RALGAPA2: variants seen among roughly 807,000 people sequenced by gnomAD.
RALGAPA2 encodes Ral GTPase activating protein catalytic subunit alpha 2, also known as ral GTPase-activating protein subunit alpha-2.
In RALGAPA2, 139 loss-of-function variants were observed where a neutral mutation model predicts 230.4. The observed-to-expected ratio is 0.60, with a 90% CI of 0.53 to 0.69. RALGAPA2 has a LOEUF of 0.69. Among genes scored for constraint, RALGAPA2 ranks in the 30% least tolerant of loss-of-function variants. The pLI is 0.00. For synonymous variants in RALGAPA2, 847 were observed against 837.8 expected, an observed-to-expected ratio of 1.01 and a Z score of -0.19; for missense variants, 2,163 against 2,276.0, an observed-to-expected ratio of 0.95 and a Z score of 1.01.
chr20:20,685,702 G>A (rs1221770123), intron 1 of RALGAPA2, among the ~76,000 whole-genome samples: 1 of 152,196 alleles, frequency 6.6e-6, no homozygotes, highest in African/African-American at 2.4e-5. Context: ...AAGAGCAGGA[G>A]GAAAAGCCCA....
At chr20:20,546,873 A>T (rs1293245577) in intron 23 of RALGAPA2, 41 bp from the exon 24 acceptor site, 1 of 1,532,630 alleles carries the variant, frequency 6.5e-7, no homozygotes, top group Non-Finnish European at 8.7e-7. Flanking sequence ...GTAATGTTCA[A>T]ACACAAAATT....
At chr20:20,459,901 G>A (rs552062719) in intron 37 of RALGAPA2, among the ~76,000 whole-genome samples, 1 of 152,276 alleles carries the variant, frequency 6.6e-6, no homozygotes, top group South Asian at 2.1e-4. Context: ...TTGTGTTGCA[G>A]TGACTCAACA....
At position 20,526,196 on chromosome 20, in the gene RALGAPA2, C is replaced by A. The variant is rs567496691; in HGVS notation, c.3693+56G>T. Reference sequence around the variant, plus strand: ...TGAATATCTATAATTAATTAAATATCAAATACAGTAAAAAGGAAATGCTTA... The same window carrying A: ...TGAATATCTATAATTAATTAAATATAAAATACAGTAAAAAGGAAATGCTTA... On this transcript the variant is annotated intron_variant, in intron 28 of 39. Coordinates refer to ENST00000202677, the MANE Select transcript of RALGAPA2 (RefSeq NM_020343.4). 88 of 1,239,142 alleles carry A rather than the reference C, an allele frequency of 7.1e-5. No individual in the cohort carries two copies. The East Asian group carries it at 2.2e-3, about 31-fold the overall frequency. 76.8% of individuals were successfully genotyped at this position (1,239,142 alleles called of 1,614,324 possible). A position where few individuals can be genotyped will look rare whatever the true frequency, so the allele number is the denominator to read the frequency against.
chr20:20,396,796 G>T, intron 38 of RALGAPA2, 62 bp from the exon 39 acceptor site: 1 of 1,342,266 alleles, frequency 7.5e-7, no homozygotes, highest in Non-Finnish European at 1.1e-6. Context: ...GCTCCAACTT[G>T]ATAACTAACA....
intron 35 of RALGAPA2, among the ~76,000 whole-genome samples, chr20:20,502,371 T>C (rs1297399787): frequency 6.6e-6 from 1 of 152,140 alleles, no homozygotes; most frequent in Non-Finnish European, 1.5e-5. Context: ...AAGAATCAAT[T>C]AGACCAATGG....
intron 13 of RALGAPA2, among the ~76,000 whole-genome samples, chr20:20,612,299 C>T (rs1401419680): frequency 1.3e-5 from 2 of 152,148 alleles, no homozygotes; most frequent in African/African-American, 2.4e-5. Context: ...ATTTGTTCCT[C>T]GAGGGAAATC....
chr20:20,441,859 TG>T (rs2060748701), intron 37 of RALGAPA2, among the ~76,000 whole-genome samples: 1 of 152,176 alleles, frequency 6.6e-6, no homozygotes, highest in Non-Finnish European at 1.5e-5. Flanking sequence ...GAAATTATCC[TG>T]AAGTATACAT....
intron 38 of RALGAPA2, among the ~76,000 whole-genome samples, chr20:20,402,931 G>A (rs1457174885): frequency 6.6e-6 from 1 of 152,174 alleles, no homozygotes; most frequent in African/African-American, 2.4e-5. Flanking sequence ...GGCTCACTCA[G>A]CTCTAAGGAG....
At chr20:20,615,945 C>T in intron 13 of RALGAPA2, 98 bp downstream of exon 13, 6 of 1,001,584 alleles carry the variant, frequency 6.0e-6, no homozygotes, top group South Asian at 6.1e-5. Context: ...TTGTTAAGTT[C>T]GTAAAAACAT....
chr20:20,537,054 T>C (rs1456593255), intron 24 of RALGAPA2, among the ~76,000 whole-genome samples: 2 of 152,202 alleles, frequency 1.3e-5, no homozygotes, highest in African/African-American at 4.8e-5. Context: ...AATGACTCTG[T>C]CATGACTGTT....
At chr20:20,562,854 A>C (rs565491052) in intron 23 of RALGAPA2, among the ~76,000 whole-genome samples, 7 of 152,338 alleles carry the variant, frequency 4.6e-5, no homozygotes, top group Non-Finnish European at 8.8e-5. Context: ...AAAAAGAAAA[A>C]ATATCTCGCA....
At chr20:20,552,424 A>T (rs1357446537) in intron 23 of RALGAPA2, among the ~76,000 whole-genome samples, 1 of 152,202 alleles carries the variant, frequency 6.6e-6, no homozygotes, top group African/African-American at 2.4e-5. Context: ...AGAAAACTAA[A>T]CACTACACAG....
intron 10 of RALGAPA2, among the ~76,000 whole-genome samples, chr20:20,624,785 G>T (rs1042435155): frequency 3.9e-5 from 6 of 152,138 alleles, no homozygotes; most frequent in African/African-American, 1.4e-4. Flanking sequence ...TTATGGTAAA[G>T]AAATATTCAT....
At chr20:20,457,085 G>C (rs912547703) in intron 37 of RALGAPA2, among the ~76,000 whole-genome samples, 4 of 152,166 alleles carry the variant, frequency 2.6e-5, no homozygotes, top group African/African-American at 9.7e-5. Context: ...ACTCAATTAA[G>C]CTTTACTGAA....
At chr20:20,553,334 T>G (rs913588405) in intron 23 of RALGAPA2, among the ~76,000 whole-genome samples, 1 of 152,086 alleles carries the variant, frequency 6.6e-6, no homozygotes, top group Non-Finnish European at 1.5e-5. Flanking sequence ...GGAGGATCAC[T>G]TGAGCCCAGG....
intron 14 of RALGAPA2, 38 bp downstream of exon 14, chr20:20,611,277 T>A: frequency 6.4e-7 from 1 of 1,562,432 alleles, no homozygotes; most frequent in African/African-American, 1.4e-5. Context: ...ATCTGATTCA[T>A]TTCTTGCATT....
At chr20:20,429,242 C>T (rs1448019981) in intron 37 of RALGAPA2, among the ~76,000 whole-genome samples, 1 of 152,230 alleles carries the variant, frequency 6.6e-6, no homozygotes, top group Non-Finnish European at 1.5e-5. Flanking sequence ...GTTACACATG[C>T]TGGCCTCTTC....
chr20:20,642,342 C>G (rs758044390), intron 5 of RALGAPA2, among the ~76,000 whole-genome samples: 56 of 152,050 alleles, frequency 3.7e-4, no homozygotes, highest in Non-Finnish European at 5.4e-4. Context: ...TCCCGAGTAG[C>G]TGAGACTATA....
At chr20:20,634,768 A>G (rs1227624119) in intron 9 of RALGAPA2, among the ~76,000 whole-genome samples, 4 of 152,196 alleles carry the variant, frequency 2.6e-5, no homozygotes. Flanking sequence ...GACCTCCACA[A>G]ATGGTAGTGC....
Sources: gnomAD v4.1 joint callset for allele counts (sites outside exome capture counted in the v4.1 genomes callset) on GRCh38, gnomAD v4.1.1 for gene constraint, MANE v1.5 for transcripts, NCBI Gene and HGNC (gene_info 2026-07-23, HGNC 2026-07-21) for gene names.